Variants in SIGLEC14 observed in about 807,000 individuals in gnomAD.
The protein encoded by SIGLEC14 is sialic acid-binding Ig-like lectin 14.
SIGLEC14 carries 11 observed loss-of-function variants against 34.2 expected under a neutral mutation model. The observed-to-expected ratio is 0.32, with a 90% CI of 0.20 to 0.53. The LOEUF (loss-of-function observed/expected upper bound fraction) is 0.53, where lower values mean the gene tolerates loss of function less well. Among genes scored for constraint, SIGLEC14 ranks in the 20% least tolerant of loss-of-function variants. The pLI is 0.95. For missense variants in SIGLEC14, 264 were observed against 439.0 expected (o/e 0.60, Z 3.56); for synonymous variants, 99 against 179.7 (o/e 0.55, Z 3.59).
Position 51,645,514 on chromosome 19 carries a change from G to A in SIGLEC14, c.717C>T (p.Leu239=), listed in dbSNP as rs750745111. Residue 239 remains leucine (L), a synonymous_variant, in exon 4 of 7, where the codon CTC becomes CTT. Transcript: ENST00000360844. ...CATTTCTGAAGAAGATGCTGATGGC[G>A]AGGTTCTGTGGAGCATCTGGGATAG... ...QLNVSYAPQN[L]AISIFFRNGT... is the part of the protein sequence containing the mutation. The A allele has an allele frequency of 1.3e-6, 2 of 1,532,336 alleles. No homozygotes were observed. The highest frequency in any genetic ancestry group is 1.8e-6 in the Non-Finnish European group (2 of 1,140,948). The allele number at this position is 1,532,336 out of a possible 1,614,324, so 94.9% of individuals were successfully genotyped here. A position where few individuals can be genotyped will look rare whatever the true frequency, so the allele number is the denominator to read the frequency against.
rs577795212 is a variant in SIGLEC14, at chr19:51,640,625, G to T, written c.*2730C>A. Among the ~76,000 whole-genome samples the T allele has an allele frequency of 7.2e-6, 1 of 139,680 alleles. No individual in the cohort carries two copies. The highest frequency in any genetic ancestry group is 1.5e-5 in the Non-Finnish European group (1 of 65,110). The allele number at this position is 139,680 out of a possible 152,430, so 91.6% of individuals were successfully genotyped here. A position where few individuals can be genotyped will look rare whatever the true frequency, so the allele number is the denominator to read the frequency against. On this transcript the variant is annotated 3_prime_UTR_variant, in exon 7 of 7. Transcript: ENST00000360844. ...AATGGCTATGTTAATAGCAGACAAA[G>T]TACACTTAAGAGCAAAGAAAATCAC...
In SIGLEC14 at chr19:51,643,806, G is replaced by T; in HGVS notation, c.985C>A (p.His329Asn). ...CRVQHPLGSQ[H>N]LSFILSVQRS... The stretch of plus-strand genomic sequence containing the variant: ...TGCACAGAAAGGATGAAGGACAGGT[G>T]CTGGGAGCCCAGCGGATGCTGAACC... The change falls in exon 5 of 7, where the codon CAC becomes AAC. Residue 329 changes from histidine to asparagine, a missense_variant. By Grantham distance (68) the His-to-Asn change is moderately conservative. Around this residue, in one of 5 missense-constraint regions of SIGLEC14, gnomAD observed 149 missense variants for 184.4 expected, o/e 0.81. Transcript: ENST00000360844. 1 of 1,525,600 alleles carries T rather than the reference G, an allele frequency of 6.6e-7. No homozygotes were observed. Among genetic ancestry groups the T allele is most frequent in the Non-Finnish European group, 8.8e-7 (1 of 1,136,346 alleles). 94.5% of individuals were successfully genotyped at this position (1,525,600 alleles called of 1,614,324 possible). A position where few individuals can be genotyped will look rare whatever the true frequency, so the allele number is the denominator to read the frequency against.
At position 51,640,296 on chromosome 19, in the gene SIGLEC14, A is replaced by G. The variant is rs1421329367; in HGVS notation, c.*3059T>C. On this transcript the variant is annotated 3_prime_UTR_variant, in exon 7 of 7. Transcript: ENST00000360844. ...TGGAACGGGAGTCAATATTTGGGGA[A>G]AGGCACCAACAAGGAATAAATAGCT... Among the ~76,000 whole-genome samples, 3 of 139,204 alleles carry G rather than the reference A, an allele frequency of 2.2e-5. No homozygotes were observed. The highest frequency in any genetic ancestry group is 6.9e-5 in the Admixed American group (1 of 14,418). 91.3% of individuals were successfully genotyped at this position (139,204 alleles called of 152,430 possible). A position where few individuals can be genotyped will look rare whatever the true frequency, so the allele number is the denominator to read the frequency against.
Position 51,644,928 on chromosome 19 carries a change from C to G in SIGLEC14, c.754+549G>C, listed in dbSNP as rs1043624174. Among the ~76,000 whole-genome samples, 6 of 136,712 alleles carry G rather than the reference C, an allele frequency of 4.4e-5. 1 individual carries two copies. Among genetic ancestry groups the G allele is most frequent in the Non-Finnish European group, 4.7e-5 (3 of 64,330 alleles). 89.7% of individuals were successfully genotyped at this position (136,712 alleles called of 152,430 possible). On this transcript the variant is annotated intron_variant, in intron 4 of 6. Transcript: ENST00000360844. ...ACAGAGCTGTGGGAGGTGGGAAAGT[C>G]GAAGGCTCCCAAAAAGGACGATCAG...
intron 5 of SIGLEC14, 51 bp downstream of exon 5, chr19:51,643,728 C>T: frequency 2.0e-6 from 3 of 1,517,720 alleles, no homozygotes; most frequent in Non-Finnish European, 2.6e-6. Context: ...CTCCCACCAA[C>T]CTGAATACCT....
rs184117235 is a variant in SIGLEC14, at chr19:51,640,510, T to C, written c.*2845A>G. On this transcript the variant is annotated 3_prime_UTR_variant, in exon 7 of 7. Transcript: ENST00000360844. The stretch of plus-strand genomic sequence containing the variant: ...AGGAACTCCAGCTTCTGAGTATAAA[T>C]GCTTTCCATTTCAAATATAATGAGG... Among the ~76,000 whole-genome samples the C allele has an allele frequency of 1.4e-5, 2 of 139,248 alleles. 1 individual carries two copies. The highest frequency in any genetic ancestry group is 5.4e-5 in the African/African-American group (2 of 36,740). 91.4% of individuals were successfully genotyped at this position (139,248 alleles called of 152,430 possible).
In SIGLEC14 at chr19:51,643,743, G is replaced by A. The variant is rs558707722; in HGVS notation, c.1012+36C>T. The stretch of plus-strand genomic sequence containing the variant: ...CTCCCACCAACCTGAATACCTCACC[G>A]GGCTGTCTACCCTCAGCACCTGTCC... On this transcript the variant is annotated intron_variant, in intron 5 of 6. Transcript: ENST00000360844. 5.4e-5 allele frequency: 82 copies of A among 1,513,508 alleles called. 16 individuals are homozygous for A. The highest frequency in any genetic ancestry group is 3.4e-4 in the Middle Eastern group (2 of 5,812). 93.8% of individuals were successfully genotyped at this position (1,513,508 alleles called of 1,614,324 possible).
Position 51,646,262 on chromosome 19 carries a change from A to G in SIGLEC14, c.416T>C (p.Val139Ala), listed in dbSNP as rs1244701581. Residue 139 changes from valine to alanine, a missense_variant, in exon 2 of 7, where the codon GTG becomes GCG. Physicochemically the swap from Val to Ala is moderately conservative, Grantham distance 64 (BLOSUM62 0). Coordinates refer to ENST00000360844, the MANE Select transcript of SIGLEC14 (RefSeq NM_001098612.3). ...TCCTAGGGTTCCTGCCATACCTGTC[A>G]CCTCCAAGTTCAGCTTATTCTGTTG... ...SYQQNKLNLE[V>A]TALIEKPDIH... 11 of 1,416,124 alleles carry G rather than the reference A, an allele frequency of 7.8e-6. 2 individuals are homozygous for G. Among genetic ancestry groups the G allele is most frequent in the Non-Finnish European group, 1.0e-5 (11 of 1,068,218 alleles). 87.7% of individuals were successfully genotyped at this position (1,416,124 alleles called of 1,614,324 possible).
At chr19:51,645,449 GC>G (rs767867386) in intron 4 of SIGLEC14, 27 bp downstream of exon 4, 2 of 1,514,856 alleles carry the variant, frequency 1.3e-6, no homozygotes, top group African/African-American at 1.5e-5. Flanking sequence ...TCCCATCACA[GC>G]CCCAGAGGGA....
At chr19:51,644,430 T>G (rs1411559379) in intron 4 of SIGLEC14, among the ~76,000 whole-genome samples, 1 of 137,452 alleles carries the variant, frequency 7.3e-6, no homozygotes, top group Non-Finnish European at 1.5e-5. Flanking sequence ...ATTGAGGGCC[T>G]TGGGCTTTAT....
In SIGLEC14 at chr19:51,641,175, C is replaced by T. The variant is rs1159599133; in HGVS notation, c.*2180G>A. Among the ~76,000 whole-genome samples the T allele has an allele frequency of 7.2e-6, 1 of 138,502 alleles. No homozygotes were observed. The highest frequency in any genetic ancestry group is 2.8e-5 in the African/African-American group (1 of 36,358). 90.9% of individuals were successfully genotyped at this position (138,502 alleles called of 152,430 possible). On this transcript the variant is annotated 3_prime_UTR_variant, in exon 7 of 7. Transcript: ENST00000360844. ...ACTGAGCTGGTAGACAAAAAAGTTA[C>T]CAGCTATAAAACTGAACACCATTGG...
At chr19:51,646,201 G>A in intron 2 of SIGLEC14, 56 bp downstream of exon 2, 1 of 1,412,166 alleles carries the variant, frequency 7.1e-7, no homozygotes. Context: ...TCCTGTCCCT[G>A]TTCTCATACG....
Position 51,639,804 on chromosome 19 carries a change from T to C in SIGLEC14, c.*3551A>G, listed in dbSNP as rs1355446690. The C allele has an allele frequency of 2.2e-5, 3 of 139,164 alleles. No homozygotes were observed. Among genetic ancestry groups the C allele is most frequent in the Non-Finnish European group, 4.6e-5 (3 of 65,078 alleles). 8.6% of individuals were successfully genotyped at this position (139,164 alleles called of 1,614,324 possible). On this transcript the variant is annotated 3_prime_UTR_variant, in exon 7 of 7. Transcript: ENST00000360844. ...CATTTCTATTATAGCATAAATAAAG[T>C]ATATCAAGAGTTAAAGCATATAGAA...
rs912669788 is a variant in SIGLEC14, at chr19:51,639,877, A to G, written c.*3478T>C. On this transcript the variant is annotated 3_prime_UTR_variant, in exon 7 of 7. Transcript: ENST00000360844. ...TTTGCTACATGCACTTAGGGAAATT[A>G]AAAGAAAAACACCTGAAGTTTATAA... 7.2e-6 allele frequency: 1 copy of G among 139,652 alleles called. No homozygotes were observed. The highest frequency in any genetic ancestry group is 2.7e-5 in the African/African-American group (1 of 36,818). The allele number at this position is 139,652 out of a possible 1,614,324, so 8.7% of individuals were successfully genotyped here.
chr19:51,644,089 C>A, intron 4 of SIGLEC14, 53 bp from the exon 5 acceptor site: 1 of 1,424,980 alleles, frequency 7.0e-7, no homozygotes, highest in South Asian at 1.5e-5. Context: ...CCAATTCTCC[C>A]TCATTCCTCC....
intron 4 of SIGLEC14, 137 bp downstream of exon 4, chr19:51,645,340 G>C (rs942193353): frequency 1.3e-5 from 9 of 689,680 alleles, no homozygotes; most frequent in Non-Finnish European, 2.1e-5. Flanking sequence ...CTTAGTGACT[G>C]GGATTGGGGG....
rs944030012 is a variant in SIGLEC14 at position 51,640,277 on chromosome 19, G to A, written c.*3078C>T. Among the ~76,000 whole-genome samples, 6 of 139,052 alleles carry A rather than the reference G, an allele frequency of 4.3e-5. 2 individuals carry two copies. Among genetic ancestry groups the A allele is most frequent in the Non-Finnish European group, 6.1e-5 (4 of 65,042 alleles). 91.2% of individuals were successfully genotyped at this position (139,052 alleles called of 152,430 possible). A position where few individuals can be genotyped will look rare whatever the true frequency, so the allele number is the denominator to read the frequency against. On this transcript the variant is annotated 3_prime_UTR_variant, in exon 7 of 7. Coordinates refer to ENST00000360844, the MANE Select transcript of SIGLEC14 (RefSeq NM_001098612.3). ...GATAAAAGAAAATAGATTCTGGAAC[G>A]GGAGTCAATATTTGGGGAAAGGCAC...
chr19:51,644,091 C>A lies in SIGLEC14; in HGVS notation c.755-55G>T, dbSNP rs1207762483. 16 of 1,421,146 alleles carry A rather than the reference C, an allele frequency of 1.1e-5. 3 individuals are homozygous for A. In the South Asian group the frequency reaches 2.4e-4, roughly 21 times the overall value. 88.0% of individuals were successfully genotyped at this position (1,421,146 alleles called of 1,614,324 possible). On this transcript the variant is annotated intron_variant, in intron 4 of 6. Transcript: ENST00000360844. ...GGAGCTGGGAGGCCCAATTCTCCCT[C>A]ATTCCTCCCACTGAGCTGCAAGAAG...
rs1250835525 is a variant in SIGLEC14 at position 51,643,115 on chromosome 19, G to A, written c.*240C>T. On this transcript the variant is annotated 3_prime_UTR_variant, in exon 7 of 7. Transcript: ENST00000360844. ...ACATTCCCTTCACAGGGCTGGAGAT[G>A]GTGGATGGAGAGGGAAGAGAAGGGC... is the stretch of plus-strand genomic sequence containing the variant. 2.1e-6 allele frequency: 1 copy of A among 467,568 alleles called. No homozygotes were observed. The highest frequency in any genetic ancestry group is 3.7e-6 in the Non-Finnish European group (1 of 269,288). The allele number at this position is 467,568 out of a possible 1,614,324, so 29.0% of individuals were successfully genotyped here. A position where few individuals can be genotyped will look rare whatever the true frequency, so the allele number is the denominator to read the frequency against.
Sources: gnomAD v4.1 joint callset for allele counts (sites outside exome capture counted in the v4.1 genomes callset) on GRCh38, gnomAD v4.1.1 for gene constraint, gnomAD v4.1.1 regional missense constraint, MANE v1.5 for transcripts, NCBI Gene and HGNC (gene_info 2026-07-23, HGNC 2026-07-21) for gene names.